RFX8: variants seen among roughly 807,000 people sequenced by gnomAD.
The protein encoded by RFX8 is DNA-binding protein RFX8.
A neutral mutation model predicts 54.6 loss-of-function variants in RFX8; 46 were observed. That is an observed-to-expected ratio of 0.84 (90% CI 0.67 to 1.08). The LOEUF is 1.08. Among genes scored for constraint, RFX8 ranks in the 50% least tolerant of loss-of-function variants. The probability of loss-of-function intolerance (pLI) is 0.00; values close to 1 mark genes in which losing one functional copy is unlikely to be tolerated. For synonymous variants in RFX8, 192 were observed against 209.5 expected (o/e 0.92, Z 0.72); for missense variants, 536 against 562.3 (o/e 0.95, Z 0.47).
At chr2:101,446,976 G>A (rs533995466) in intron 2 of RFX8, among the ~76,000 whole-genome samples, 3 of 152,162 alleles carry the variant, frequency 2.0e-5, no homozygotes. Flanking sequence ...TTTTGCCAAT[G>A]TAACTTTTCC....
chr2:101,471,412 C>G (rs984973547), intron 1 of RFX8, among the ~76,000 whole-genome samples: 3 of 152,110 alleles, frequency 2.0e-5, no homozygotes, highest in African/African-American at 7.2e-5. Context: ...CTTTTCGATA[C>G]GGCTGATCAA....
At position 101,436,812 on chromosome 2, in the gene RFX8, G is replaced by A. The variant is rs115445050; in HGVS notation, c.73-14340C>T. On this transcript the variant is annotated intron_variant, in intron 2 of 11. Coordinates refer to ENST00000428343, the MANE Select transcript of RFX8 (RefSeq NM_001145664.2). The stretch of plus-strand genomic sequence containing the variant: ...GCGCTCTGGTCCTCTGTTGGCCGCT[G>A]ACCTCCTTCTGCTAAGGAGCCCTGC... Among the ~76,000 whole-genome samples the A allele has an allele frequency of 2.6e-3, 393 of 152,306 alleles. 4 individuals carry two copies. The highest frequency in any genetic ancestry group is 9.1e-3 in the African/African-American group (377 of 41,562).
chr2:101,435,417 AT>A (rs1687725156), intron 2 of RFX8, among the ~76,000 whole-genome samples: 1 of 152,194 alleles, frequency 6.6e-6, no homozygotes, highest in South Asian at 2.1e-4. Flanking sequence ...ATGACATAGA[AT>A]GGGGATTCAT....
At chr2:101,443,742 T>C (rs1442417236) in intron 2 of RFX8, among the ~76,000 whole-genome samples, 1 of 152,072 alleles carries the variant, frequency 6.6e-6, no homozygotes, top group African/African-American at 2.4e-5. Flanking sequence ...GTTACGTCAA[T>C]AGGTGTAGGC....
intron 1 of RFX8, among the ~76,000 whole-genome samples, chr2:101,469,081 T>TAC: frequency 9.4e-5 from 1 of 10,676 alleles, no homozygotes; most frequent in Non-Finnish European, 1.7e-4. Flanking sequence ...TATATATAAG[T>TAC]GTATATATAT....
chr2:101,468,544 C>G (rs1340500822), intron 1 of RFX8, among the ~76,000 whole-genome samples: 1 of 152,070 alleles, frequency 6.6e-6, no homozygotes, highest in Non-Finnish European at 1.5e-5. Flanking sequence ...CCCACCTCAG[C>G]CTCCCAAAGT....
intron 2 of RFX8, among the ~76,000 whole-genome samples, chr2:101,432,392 G>C (rs1262415500): frequency 6.6e-6 from 1 of 152,202 alleles, no homozygotes; most frequent in African/African-American, 2.4e-5. Context: ...GTGTCTGGCA[G>C]ATTCAGAGGA....
intron 2 of RFX8, chr2:101,450,481 G>C: frequency 1.7e-6 from 1 of 572,506 alleles, no homozygotes; most frequent in East Asian, 2.9e-5. Flanking sequence ...TTGTGCCCCA[G>C]CCTCCCAAAG....
At chr2:101,425,588 G>A (rs1687124264) in intron 2 of RFX8, among the ~76,000 whole-genome samples, 1 of 151,850 alleles carries the variant, frequency 6.6e-6, no homozygotes, top group South Asian at 2.1e-4. Context: ...ATATAAAAGT[G>A]TTTTATTACA....
chr2:101,440,749 C>A (rs954639583), intron 2 of RFX8, among the ~76,000 whole-genome samples: 1 of 152,108 alleles, frequency 6.6e-6, no homozygotes, highest in Non-Finnish European at 1.5e-5. Flanking sequence ...TGGAGGTGGT[C>A]TTGGAGATCC....
At chr2:101,454,768 T>C (rs1474748540) in intron 2 of RFX8, among the ~76,000 whole-genome samples, 1 of 152,212 alleles carries the variant, frequency 6.6e-6, no homozygotes, top group African/African-American at 2.4e-5. Context: ...TGTAAATTTG[T>C]TTAAGTTATT....
chr2:101,473,666 A>G (rs1170900276), intron 1 of RFX8, among the ~76,000 whole-genome samples: 1 of 152,220 alleles, frequency 6.6e-6, no homozygotes, highest in Non-Finnish European at 1.5e-5. Flanking sequence ...TCTATTTAAG[A>G]AGATCTGCAA....
Position 101,466,758 on chromosome 2 carries a change from T to C in RFX8, c.72+19A>G. Reference sequence around the variant, plus strand: ...TTTGCACTCAGTGAATAGAGCGTTCTTAATCTTCAACAACTTACCTTCCCA... The same window carrying C: ...TTTGCACTCAGTGAATAGAGCGTTCCTAATCTTCAACAACTTACCTTCCCA... On this transcript the variant is annotated intron_variant, in intron 2 of 11. Transcript: ENST00000428343. 1.3e-6 allele frequency: 2 copies of C among 1,534,204 alleles called. No homozygotes were observed.
chr2:101,463,277 G>A (rs1474275900), intron 2 of RFX8, among the ~76,000 whole-genome samples: 1 of 152,244 alleles, frequency 6.6e-6, no homozygotes, highest in Non-Finnish European at 1.5e-5. Flanking sequence ...GAGGTAGAGA[G>A]GAGAGGACAC....
chr2:101,444,329 A>G (rs538006880), intron 2 of RFX8, among the ~76,000 whole-genome samples: 2 of 152,258 alleles, frequency 1.3e-5, no homozygotes, highest in African/African-American at 4.8e-5. Flanking sequence ...CTGAGCTGGC[A>G]TTGGACCCAC....
chr2:101,410,435 A>G (rs1686056681), intron 9 of RFX8, among the ~76,000 whole-genome samples, 184 bp downstream of exon 9: 1 of 148,280 alleles, frequency 6.7e-6, no homozygotes, highest in Admixed American at 6.7e-5. Flanking sequence ...GATGTGCTCC[A>G]CCAGACCCCC....
At chr2:101,435,836 A>AC (rs536153404) in intron 2 of RFX8, among the ~76,000 whole-genome samples, 169 of 151,794 alleles carry the variant, frequency 1.1e-3, no homozygotes, top group Non-Finnish European at 2.0e-3. Flanking sequence ...TTCATTTAAA[A>AC]AAATAGCCTC....
chr2:101,435,669 A>G (rs1427275336), intron 2 of RFX8, among the ~76,000 whole-genome samples: 3 of 152,126 alleles, frequency 2.0e-5, no homozygotes, highest in Non-Finnish European at 2.9e-5. Flanking sequence ...CAGCAATTAT[A>G]CCCAGGTCCA....
chr2:101,462,469 C>T (rs1347962729), intron 2 of RFX8, among the ~76,000 whole-genome samples: 1 of 152,106 alleles, frequency 6.6e-6, no homozygotes, highest in Non-Finnish European at 1.5e-5. Context: ...TATGGTACAA[C>T]TCCCAAAATA....
Sources: allele counts gnomAD v4.1 joint callset (sites outside exome capture counted in the v4.1 genomes callset), GRCh38; gene constraint gnomAD v4.1.1; transcripts MANE v1.5; gene names NCBI Gene and HGNC (gene_info 2026-07-23, HGNC 2026-07-21).